MCTP1: variants seen among roughly 807,000 people sequenced by gnomAD.
MCTP1 encodes multiple C2 and transmembrane domain containing 1.
Under a neutral mutation model 120.6 loss-of-function variants are expected in MCTP1, and 69 were observed. That is an observed-to-expected ratio of 0.57 (90% CI 0.47 to 0.70). The LOEUF is 0.70. Among genes scored for constraint, MCTP1 ranks in the 30% least tolerant of loss-of-function variants. MCTP1 has a pLI of 0.00. For synonymous variants in MCTP1, 529 were observed against 493.1 expected (o/e 1.07, Z -0.96); for missense variants, 1,203 against 1,248.8 (o/e 0.96, Z 0.55).
At chr5:94,801,478 T>C (rs1358940575) in intron 17 of MCTP1, among the ~76,000 whole-genome samples, 2 of 152,264 alleles carry the variant, frequency 1.3e-5, no homozygotes, top group Admixed American at 1.3e-4. Flanking sequence ...GACAAGATTT[T>C]CTTTCCATTT....
In MCTP1 at chr5:95,040,446, A is replaced by C. The variant is rs374962877; in HGVS notation, c.721-22962T>G. Among the ~76,000 whole-genome samples the C allele has an allele frequency of 4.8e-3, 732 of 151,580 alleles. 2 individuals are homozygous for C. Among genetic ancestry groups the C allele is most frequent in the Non-Finnish European group, 8.1e-3 (548 of 67,874 alleles). On this transcript the variant is annotated intron_variant, in intron 1 of 22. Transcript: ENST00000515393. Reference sequence around the variant, plus strand: ...ATAGTATGTATGACTCTGTCTCAAAAAAAAAAAAAAAGAAAGAAATTTTAA... The same window carrying C: ...ATAGTATGTATGACTCTGTCTCAAACAAAAAAAAAAAGAAAGAAATTTTAA...
intron 1 of MCTP1, among the ~76,000 whole-genome samples, chr5:95,193,134 G>A (rs1399498878): frequency 1.3e-5 from 2 of 152,092 alleles, no homozygotes; most frequent in Non-Finnish European, 2.9e-5. Flanking sequence ...TAATTTTGGA[G>A]CATGATAGAA....
chr5:94,918,329 A>T (rs984663914), intron 7 of MCTP1, among the ~76,000 whole-genome samples: 1 of 152,224 alleles, frequency 6.6e-6, no homozygotes, highest in African/African-American at 2.4e-5. Context: ...AATTGTTTCC[A>T]AGTCTGCTGC....
chr5:94,895,119 C>T (rs1343287178), intron 10 of MCTP1, among the ~76,000 whole-genome samples: 1 of 152,118 alleles, frequency 6.6e-6, no homozygotes, highest in Non-Finnish European at 1.5e-5. Context: ...CTTCCTATCT[C>T]TAGGTGGCCT....
intron 2 of MCTP1, among the ~76,000 whole-genome samples, chr5:95,004,934 C>T (rs1323539950): frequency 6.6e-6 from 1 of 152,166 alleles, no homozygotes; most frequent in Admixed American, 6.5e-5. Context: ...GAAAGGTAGA[C>T]CTATCAACAG....
At chr5:94,946,084 A>C (rs1187648900) in intron 3 of MCTP1, among the ~76,000 whole-genome samples, 1 of 152,232 alleles carries the variant, frequency 6.6e-6, no homozygotes, top group Non-Finnish European at 1.5e-5. Flanking sequence ...AAACTGAAGA[A>C]AGAATGTTAA....
chr5:95,142,008 G>A (rs1759970859), intron 1 of MCTP1, among the ~76,000 whole-genome samples: 1 of 152,118 alleles, frequency 6.6e-6, no homozygotes, highest in South Asian at 2.1e-4. Flanking sequence ...TTCAAGAAGA[G>A]CTACTACAAA....
rs771718509 is a variant in MCTP1, at chr5:94,953,296, G to A, written c.904C>T (p.His302Tyr). 2.5e-6 allele frequency: 4 copies of A among 1,611,864 alleles called. No homozygotes were observed. In the African/African-American group the frequency reaches 4.0e-5, roughly 16 times the overall value. Residue 302 changes from histidine to tyrosine, a missense_variant, in exon 3 of 23, where the codon CAC becomes TAC. By Grantham distance (83) the His-to-Tyr change is moderately conservative (BLOSUM62 2). This residue lies in a region of MCTP1 where 740 missense variants were observed against 871.1 expected (regional missense o/e 0.85). Transcript: ENST00000515393. ...GKEVFRSKII[H>Y]KNLNPVWEEK... ...TCCCACACAGGGTTGAGGTTCTTGTGTATTATCTTACTTCTAAAAACTTCT... is the reference window on the plus strand; with the variant it reads ...TCCCACACAGGGTTGAGGTTCTTGTATATTATCTTACTTCTAAAAACTTCT...
intron 1 of MCTP1, among the ~76,000 whole-genome samples, chr5:95,021,114 T>G (rs1407176056): frequency 6.6e-6 from 1 of 152,058 alleles, no homozygotes; most frequent in African/African-American, 2.4e-5. Context: ...ACTTACTAAT[T>G]GTGTGAGCTT....
At chr5:94,988,360 T>C (rs1830796108) in intron 2 of MCTP1, among the ~76,000 whole-genome samples, 1 of 152,146 alleles carries the variant, frequency 6.6e-6, no homozygotes, top group Admixed American at 6.6e-5. Context: ...TAGCAGTGTA[T>C]TTTTTCTGAG....
At chr5:95,097,872 C>T (rs10075685) in intron 1 of MCTP1, among the ~76,000 whole-genome samples, 1 of 152,228 alleles carries the variant, frequency 6.6e-6, no homozygotes, top group Non-Finnish European at 1.5e-5. Context: ...TGTATTTACT[C>T]AGTAATGAAA....
At chr5:95,233,609 G>A (rs745811002) in intron 1 of MCTP1, among the ~76,000 whole-genome samples, 5 of 152,296 alleles carry the variant, frequency 3.3e-5, no homozygotes, top group African/African-American at 7.2e-5. Context: ...GATTACAGGC[G>A]TGAGCCACCG....
intron 1 of MCTP1, among the ~76,000 whole-genome samples, chr5:95,225,579 C>T (rs1754165960): frequency 6.6e-6 from 1 of 152,158 alleles, no homozygotes; most frequent in African/African-American, 2.4e-5. Context: ...CCTTAAGATT[C>T]CAAGAATGGT....
At chr5:94,988,236 G>A (rs143179235) in intron 2 of MCTP1, among the ~76,000 whole-genome samples, 67 of 152,118 alleles carry the variant, frequency 4.4e-4, no homozygotes, top group African/African-American at 1.6e-3. Context: ...AAAGCACTTA[G>A]GGTTTATATT....
chr5:95,162,341 T>C (rs1419980688), intron 1 of MCTP1, among the ~76,000 whole-genome samples: 1 of 152,144 alleles, frequency 6.6e-6, no homozygotes, highest in Non-Finnish European at 1.5e-5. Context: ...GAAAAAGTAA[T>C]GAAACAATTA....
At chr5:95,026,429 G>A (rs1168511174) in intron 1 of MCTP1, among the ~76,000 whole-genome samples, 1 of 151,800 alleles carries the variant, frequency 6.6e-6, no homozygotes, top group African/African-American at 2.4e-5. Flanking sequence ...TTAACCCTCC[G>A]CTCTTCCCCT....
intron 2 of MCTP1, among the ~76,000 whole-genome samples, chr5:94,979,853 C>T (rs868424575): frequency 2.6e-5 from 4 of 151,980 alleles, no homozygotes; most frequent in African/African-American, 7.2e-5. Flanking sequence ...ATTGATATAT[C>T]GGGTTTATCT....
At chr5:94,727,627 C>T (rs1762381013) in intron 19 of MCTP1, among the ~76,000 whole-genome samples, 4 of 152,106 alleles carry the variant, frequency 2.6e-5, no homozygotes, top group Admixed American at 6.6e-5. Context: ...GCGAGCATGA[C>T]GTTTGGGGAT....
At chr5:94,740,625 A>G (rs1277067290) in intron 19 of MCTP1, among the ~76,000 whole-genome samples, 1 of 152,182 alleles carries the variant, frequency 6.6e-6, no homozygotes, top group Non-Finnish European at 1.5e-5. Flanking sequence ...TATTCCCAAT[A>G]CCTTAGCAAT....
Sources: gnomAD v4.1 joint callset for allele counts (sites outside exome capture counted in the v4.1 genomes callset) on GRCh38, gnomAD v4.1.1 for gene constraint, gnomAD v4.1.1 regional missense constraint, MANE v1.5 for transcripts, NCBI Gene and HGNC (gene_info 2026-07-23, HGNC 2026-07-21) for gene names.